The following FGF12 variants were observed in gnomAD, a reference collection of about 807,000 sequenced individuals.
FGF12 encodes fibroblast growth factor 12B.
A neutral mutation model predicts 23.6 loss-of-function variants in FGF12; 14 were observed. The ratio of observed to expected loss-of-function variants is 0.59; its 90% CI spans 0.39 to 0.93. FGF12 has a LOEUF of 0.93. FGF12 is among the 40% of genes least tolerant of loss of function. The probability of loss-of-function intolerance (pLI) is 0.00; values close to 1 mark genes in which losing one functional copy is unlikely to be tolerated. For synonymous variants in FGF12, 62 were observed against 77.3 expected, an observed-to-expected ratio of 0.80 and a Z score of 1.04; for missense variants, 175 against 217.8, an observed-to-expected ratio of 0.80 and a Z score of 1.24.
At chr3:192,390,290 C>T (rs911576476) in intron 2 of FGF12, among the ~76,000 whole-genome samples, 1 of 152,178 alleles carries the variant, frequency 6.6e-6, no homozygotes, top group African/African-American at 2.4e-5. Flanking sequence ...GCTCAAATGC[C>T]ATACTCAGAG....
rs1282853414 is a variant in FGF12, at chr3:192,409,801, C to T, written c.14-49263G>A. On this transcript the variant is annotated intron_variant, in intron 2 of 5. Coordinates refer to ENST00000445105, the MANE Select transcript of FGF12 (RefSeq NM_004113.6). The surrounding 1 kb of genome is among the most constrained non-coding windows in gnomAD (Gnocchi z 4.8). ...CAACCCGGGCGCTTGGGGCCGGAGGCGGAATCAGGGGCCGGGGCCAGGAGG... is the reference window on the plus strand; with the variant it reads ...CAACCCGGGCGCTTGGGGCCGGAGGTGGAATCAGGGGCCGGGGCCAGGAGG... Among the ~76,000 whole-genome samples, 1 of 152,018 alleles carries T rather than the reference C, an allele frequency of 6.6e-6. No individual in the cohort carries two copies. The highest frequency in any genetic ancestry group is 2.1e-4 in the South Asian group (1 of 4,830).
In FGF12 at chr3:192,727,201, C is replaced by T. The variant is rs771907901; in HGVS notation, c.-8G>A. On this transcript the variant is annotated 5_prime_UTR_variant, in exon 2 of 6. Transcript: ENST00000445105. Reference sequence around the variant, plus strand: ...CATACCTTTGCTCTCCATTTCGGTCCCTTTCGAGTGCTGGGAAGTTCAATG... The same window carrying T: ...CATACCTTTGCTCTCCATTTCGGTCTCTTTCGAGTGCTGGGAAGTTCAATG... 24 of 1,578,982 alleles carry T rather than the reference C, an allele frequency of 1.5e-5. 1 individual carries two copies. The South Asian group carries it at 2.2e-4, about 15-fold the overall frequency.
At position 192,291,591 on chromosome 3, in the gene FGF12, GA is replaced by G. The variant is rs879507951; in HGVS notation, c.228+43769del. 6.5e-3 allele frequency among the ~76,000 whole-genome samples: 933 copies of G among 143,396 alleles called. 3 individuals are homozygous for G. The highest frequency in any genetic ancestry group is 0.019 in the Middle Eastern group (5 of 270). The allele number at this position is 143,396 out of a possible 152,430, so 94.1% of individuals were successfully genotyped here. On this transcript the variant is annotated intron_variant, in intron 4 of 5. Coordinates refer to ENST00000445105, the MANE Select transcript of FGF12 (RefSeq NM_004113.6). ...GAACAAAACCCTGTCTTAAAAAAAAGAAAAAAAAAAATTACCATGGCCAGAG... is the reference window on the plus strand; with the variant it reads ...GAACAAAACCCTGTCTTAAAAAAAAGAAAAAAAAAATTACCATGGCCAGAG...
rs145076163 is a variant in FGF12 at position 192,277,026 on chromosome 3, G to T, written c.228+58335C>A. Among the ~76,000 whole-genome samples, 281 of 152,272 alleles carry T rather than the reference G, an allele frequency of 1.8e-3. 1 individual carries two copies. The highest frequency in any genetic ancestry group is 3.5e-3 in the Non-Finnish European group (239 of 68,010). On this transcript the variant is annotated intron_variant, in intron 4 of 5. Coordinates refer to ENST00000445105, the MANE Select transcript of FGF12 (RefSeq NM_004113.6). The stretch of plus-strand genomic sequence containing the variant: ...ATAAAAAGGGACAAATTATTCCCCT[G>T]CTTCTTTGGGCCTTCATTCTGAAAG...
At chr3:192,327,881 G>A (rs947534190) in intron 4 of FGF12, among the ~76,000 whole-genome samples, 2 of 152,036 alleles carry the variant, frequency 1.3e-5, no homozygotes, top group Admixed American at 1.3e-4. Flanking sequence ...TAAATTTTTT[G>A]TAGAGACAGA....
chr3:192,183,897 C>T (rs1038317858), intron 4 of FGF12, among the ~76,000 whole-genome samples: 59 of 152,226 alleles, frequency 3.9e-4, no homozygotes, highest in African/African-American at 1.2e-3. Flanking sequence ...ATGATTTATG[C>T]GCTTTCGTAG....
chr3:192,555,651 G>T (rs978830437), intron 2 of FGF12, among the ~76,000 whole-genome samples: 1 of 134,270 alleles, frequency 7.4e-6, no homozygotes, highest in South Asian at 2.4e-4. Flanking sequence ...AAAAAAAAAA[G>T]GCCAGGTGTA....
intron 2 of FGF12, among the ~76,000 whole-genome samples, chr3:192,567,781 C>CT (rs1335693797): frequency 1.5e-5 from 2 of 134,348 alleles, no homozygotes; most frequent in Non-Finnish European, 3.3e-5. Flanking sequence ...TTCTTTCTTT[C>CT]TTTCTTTCTT....
At chr3:192,354,999 T>C (rs748285948) in intron 3 of FGF12, among the ~76,000 whole-genome samples, 1 of 152,184 alleles carries the variant, frequency 6.6e-6, no homozygotes, top group Non-Finnish European at 1.5e-5. Context: ...CGTCAGCCAC[T>C]GCAACCAACT....
intron 4 of FGF12, among the ~76,000 whole-genome samples, chr3:192,214,343 A>T (rs10428161): frequency 0.06 from 9,159 of 152,326 alleles, 299 homozygotes; most frequent in South Asian, 0.08. Context: ...ATAACAGTGA[A>T]TCTCTGAGTA....
At chr3:192,191,874 C>G (rs2108648869) in intron 4 of FGF12, among the ~76,000 whole-genome samples, 1 of 151,326 alleles carries the variant, frequency 6.6e-6, no homozygotes, top group East Asian at 1.9e-4. Flanking sequence ...AATAACAAAG[C>G]CCTAAACAAA....
At chr3:192,663,645 T>C (rs550529290) in intron 2 of FGF12, among the ~76,000 whole-genome samples, 17 of 152,200 alleles carry the variant, frequency 1.1e-4, no homozygotes, top group Non-Finnish European at 2.2e-4. Flanking sequence ...AGTCAAATTA[T>C]TATTATCATT....
chr3:192,189,722 G>A lies in FGF12; in HGVS notation c.229-19066C>T, dbSNP rs371422554. Among the ~76,000 whole-genome samples, 503 of 152,216 alleles carry A rather than the reference G, an allele frequency of 3.3e-3. 8 individuals carry two copies. The highest frequency in any genetic ancestry group is 0.032 in the East Asian group (163 of 5,170). On this transcript the variant is annotated intron_variant, in intron 4 of 5. Coordinates refer to ENST00000445105, the MANE Select transcript of FGF12 (RefSeq NM_004113.6). Reference sequence around the variant, plus strand: ...AAGCCACAGAGAGAGGTCTGAGGGGGAACCAACCCTGCCACTTTGACCTTG... The same window carrying A: ...AAGCCACAGAGAGAGGTCTGAGGGGAAACCAACCCTGCCACTTTGACCTTG...
chr3:192,395,282 T>C (rs1231273984), intron 2 of FGF12, among the ~76,000 whole-genome samples: 1 of 152,144 alleles, frequency 6.6e-6, no homozygotes, highest in Non-Finnish European at 1.5e-5. Context: ...TTAGGCAAAG[T>C]AAATACTAAG....
intron 2 of FGF12, among the ~76,000 whole-genome samples, chr3:192,703,778 T>C (rs1413603624): frequency 6.6e-6 from 1 of 152,218 alleles, no homozygotes; most frequent in Admixed American, 6.5e-5. Flanking sequence ...CATGCTGTTC[T>C]CATTATAGTG....
chr3:192,261,186 T>C (rs187655914), intron 4 of FGF12, among the ~76,000 whole-genome samples: 1 of 152,254 alleles, frequency 6.6e-6, no homozygotes, highest in East Asian at 1.9e-4. Context: ...AAAGATTCCA[T>C]GAAAACACTC....
chr3:192,219,494 T>G (rs1718365404), intron 4 of FGF12, among the ~76,000 whole-genome samples: 1 of 152,204 alleles, frequency 6.6e-6, no homozygotes, highest in South Asian at 2.1e-4. Flanking sequence ...TATTTTAATA[T>G]AATAGATGTG....
chr3:192,173,172 G>C (rs1273674419), intron 4 of FGF12, among the ~76,000 whole-genome samples: 1 of 150,828 alleles, frequency 6.6e-6, no homozygotes, highest in Non-Finnish European at 1.5e-5. Context: ...CTGTTTTGTT[G>C]GAGGGATGAA....
chr3:192,465,387 T>G (rs1722980371), intron 2 of FGF12, among the ~76,000 whole-genome samples: 1 of 152,174 alleles, frequency 6.6e-6, no homozygotes, highest in South Asian at 2.1e-4. Flanking sequence ...AATACATGAA[T>G]TTTTAAAACC....
Sources: allele counts gnomAD v4.1 joint callset (sites outside exome capture counted in the v4.1 genomes callset), GRCh38; gene constraint gnomAD v4.1.1; non-coding constraint Gnocchi (gnomAD v3.1); transcripts MANE v1.5; gene names NCBI Gene and HGNC (gene_info 2026-07-23, HGNC 2026-07-21).